Variants in USP31 observed in about 807,000 individuals in gnomAD.
USP31 encodes the protein ubiquitin carboxyl-terminal hydrolase 31.
USP31 carries 44 observed loss-of-function variants against 119.4 expected under a neutral mutation model. The ratio of observed to expected loss-of-function variants is 0.37; its 90% CI spans 0.29 to 0.47. USP31 has a LOEUF of 0.47. Ranked by LOEUF, USP31 falls within the 20% of genes least tolerant of loss-of-function variation. USP31 has a pLI of 0.99. For missense variants in USP31, 1,643 were observed against 1,730.2 expected, an observed-to-expected ratio of 0.95 and a Z score of 0.89; for synonymous variants, 749 against 705.6, an observed-to-expected ratio of 1.06 and a Z score of -0.97.
At chr16:23,104,378 C>T (rs903596638) in intron 5 of USP31, among the ~76,000 whole-genome samples, 1 of 152,140 alleles carries the variant, frequency 6.6e-6, no homozygotes, top group Non-Finnish European at 1.5e-5. Context: ...CAATTTAAAC[C>T]ACATGCAAAA....
At chr16:23,114,564 AT>A (rs1902432413) in intron 1 of USP31, among the ~76,000 whole-genome samples, 1 of 152,190 alleles carries the variant, frequency 6.6e-6, no homozygotes, top group Admixed American at 6.5e-5. Context: ...ATCCATTCAG[AT>A]TTCAGGGTGG....
chr16:23,084,925 G>C lies in USP31; in HGVS notation c.1765C>G (p.Arg589Gly). ...DAESVRLQRE[R>G]HHQPQTCTLS... is the part of the protein sequence containing the mutation. ...GTGCAGGTTTGAGGCTGATGATGAC[G>C]CTCCCTTTGCAGACGAACACTTTCT... The change falls in exon 11 of 16, where the codon CGT becomes GGT. Residue 589 changes from arginine (R) to glycine (G), a missense_variant. This residue lies in a region of USP31 where 279 missense variants were observed against 372.2 expected (regional missense o/e 0.75). Coordinates refer to ENST00000219689, the MANE Select transcript of USP31 (RefSeq NM_020718.4). 1 of 1,613,972 alleles carries C rather than the reference G, an allele frequency of 6.2e-7. No individual in the cohort carries two copies. The highest frequency in any genetic ancestry group is 8.5e-7 in the Non-Finnish European group (1 of 1,179,984).
intron 1 of USP31, among the ~76,000 whole-genome samples, chr16:23,122,287 G>A (rs1444971717): frequency 6.6e-6 from 1 of 152,086 alleles, no homozygotes; most frequent in Non-Finnish European, 1.5e-5. Flanking sequence ...CTACTCAAAT[G>A]GCTATAATGA....
intron 6 of USP31, among the ~76,000 whole-genome samples, chr16:23,098,375 T>G (rs1366409987): frequency 6.6e-6 from 1 of 152,070 alleles, no homozygotes; most frequent in East Asian, 1.9e-4. Flanking sequence ...GAAGAATCAA[T>G]ATCGTGAAAA....
chr16:23,080,384 A>G (rs571035060), intron 12 of USP31, among the ~76,000 whole-genome samples: 4 of 152,302 alleles, frequency 2.6e-5, no homozygotes, highest in African/African-American at 9.6e-5. Flanking sequence ...GTAAGGATCC[A>G]TATAGAGGGG....
At position 23,072,203 on chromosome 16, in the gene USP31, G is replaced by C. The variant is rs767573673; in HGVS notation, c.2336-6C>G. 1.9e-6 allele frequency: 3 copies of C among 1,604,094 alleles called. No individual in the cohort carries two copies. Among genetic ancestry groups the C allele is most frequent in the South Asian group, 1.1e-5 (1 of 91,052 alleles). On this transcript the variant is annotated splice_region_variant and splice_polypyrimidine_tract_variant and intron_variant, in intron 14 of 15. Coordinates refer to ENST00000219689, the MANE Select transcript of USP31 (RefSeq NM_020718.4). ...CAGGGAAGAACTTGTGGAGCCTGCA[G>C]AGAAGAAAACAGGCATAGAGGTCAG...
At chr16:23,132,175 T>A (rs1176194315) in intron 1 of USP31, among the ~76,000 whole-genome samples, 1 of 152,288 alleles carries the variant, frequency 6.6e-6, no homozygotes, top group Non-Finnish European at 1.5e-5. Context: ...ACTGCAAAAA[T>A]GTTGTTTGTT....
At chr16:23,075,651 T>C (rs994103711) in intron 13 of USP31, among the ~76,000 whole-genome samples, 2 of 152,300 alleles carry the variant, frequency 1.3e-5, no homozygotes, top group African/African-American at 2.4e-5. Context: ...TGATAAAGGA[T>C]TGGAAATTTT....
chr16:23,105,954 C>T (rs548189446), intron 4 of USP31, among the ~76,000 whole-genome samples: 3 of 152,130 alleles, frequency 2.0e-5, no homozygotes, highest in Non-Finnish European at 2.9e-5. Context: ...CACTCAGCAG[C>T]CCCCGTCCCC....
chr16:23,062,374 T>TC lies in USP31; in HGVS notation c.*5671_*5672insG. ...ACGAAAAAATAGCAATAAGGGTTTT[T>TC]TTTTTTTAAAAAAAAGACACCAAAG... On this transcript the variant is annotated 3_prime_UTR_variant, in exon 16 of 16. Transcript: ENST00000219689. The TC allele has an allele frequency of 7.2e-6, 1 of 138,864 alleles. No individual in the cohort carries two copies. 8.6% of individuals were successfully genotyped at this position (138,864 alleles called of 1,614,324 possible).
intron 10 of USP31, among the ~76,000 whole-genome samples, chr16:23,085,272 G>A (rs1324537432): frequency 6.6e-6 from 1 of 152,172 alleles, no homozygotes; most frequent in African/African-American, 2.4e-5. Flanking sequence ...CTAAGAACAT[G>A]CATCTGACAT....
chr16:23,102,662 C>T (rs974413021), intron 5 of USP31, among the ~76,000 whole-genome samples, 199 bp from the exon 6 acceptor site: 6 of 152,060 alleles, frequency 3.9e-5, no homozygotes, highest in African/African-American at 1.4e-4. Context: ...ATACAGTCAC[C>T]CCTCCATATC....
intron 10 of USP31, 26 bp from the exon 11 acceptor site, chr16:23,085,015 T>C (rs1333728945): frequency 6.2e-7 from 1 of 1,611,424 alleles, no homozygotes; most frequent in African/African-American, 1.3e-5. Context: ...AAAGCATCTA[T>C]CAGGGAATGT....
At position 23,069,478 on chromosome 16, in the gene USP31, C is replaced by A; in HGVS notation, c.2627G>T (p.Arg876Leu). The A allele has an allele frequency of 6.2e-7, 1 of 1,614,162 alleles. No individual in the cohort carries two copies. The highest frequency in any genetic ancestry group is 1.1e-5 in the South Asian group (1 of 91,076). Reference sequence around the variant, plus strand: ...TGAAAATCGGGATGGAGAATTGGAGCGCATCTGCAGCTTAGCAGACAGGGA... The same window carrying A: ...TGAAAATCGGGATGGAGAATTGGAGAGCATCTGCAGCTTAGCAGACAGGGA... Reference protein sequence around the residue: ...SWSLSAKLQMRSNSPSRFSGD... With the variant: ...SWSLSAKLQMLSNSPSRFSGD... Residue 876 changes from arginine to leucine, a missense_variant, in exon 16 of 16, where the codon CGC becomes CTC. Arg to Leu is a moderately radical substitution (Grantham distance 102). This residue lies in a region of USP31 where 699 missense variants were observed against 650.9 expected (regional missense o/e 1.07). Coordinates refer to ENST00000219689, the MANE Select transcript of USP31 (RefSeq NM_020718.4).
At chr16:23,104,819 T>G (rs1399499447) in intron 5 of USP31, among the ~76,000 whole-genome samples, 1 of 152,204 alleles carries the variant, frequency 6.6e-6, no homozygotes, top group African/African-American at 2.4e-5. Context: ...AAAAGCTATA[T>G]GCAAAAACAT....
At chr16:23,071,341 T>C (rs1900333801) in intron 15 of USP31, among the ~76,000 whole-genome samples, 1 of 145,522 alleles carries the variant, frequency 6.9e-6, no homozygotes. Context: ...ACTATGCTCA[T>C]TATAGAAGCT....
chr16:23,093,619 G>A (rs1901468652), intron 6 of USP31, among the ~76,000 whole-genome samples: 1 of 152,174 alleles, frequency 6.6e-6, no homozygotes, highest in African/African-American at 2.4e-5. Flanking sequence ...AAAACAGTTT[G>A]GCAATTCCCA....
At chr16:23,098,808 T>A (rs1235615650) in intron 6 of USP31, among the ~76,000 whole-genome samples, 2 of 152,142 alleles carry the variant, frequency 1.3e-5, no homozygotes, top group Non-Finnish European at 2.9e-5. Context: ...TTACACCTTA[T>A]ACAAAAATTA....
chr16:23,143,460 T>C (rs1555470392), intron 1 of USP31, among the ~76,000 whole-genome samples: 1 of 152,096 alleles, frequency 6.6e-6, no homozygotes, highest in Non-Finnish European at 1.5e-5. Flanking sequence ...ATTTATTTAC[T>C]CTCACTATTT....
Sources: gnomAD v4.1 joint callset for allele counts (sites outside exome capture counted in the v4.1 genomes callset) on GRCh38, gnomAD v4.1.1 for gene constraint, gnomAD v4.1.1 regional missense constraint, MANE v1.5 for transcripts, NCBI Gene and HGNC (gene_info 2026-07-23, HGNC 2026-07-21) for gene names.